The following PIK3C2G variants were observed in gnomAD, a reference collection of about 807,000 sequenced individuals.
PIK3C2G encodes the protein phosphatidylinositol-4-phosphate 3-kinase catalytic subunit type 2 gamma, also known as phosphatidylinositol 3-kinase C2 domain-containing subunit gamma.
Under a neutral mutation model 181.1 loss-of-function variants are expected in PIK3C2G, and 168 were observed. That is an observed-to-expected ratio of 0.93 (90% CI 0.82 to 1.05). The LOEUF (loss-of-function observed/expected upper bound fraction) is 1.05. PIK3C2G is among the 50% of genes least tolerant of loss of function. PIK3C2G has a pLI of 0.00. For missense variants in PIK3C2G, 1,869 were observed against 1,732.8 expected (o/e 1.08, Z -1.40); for synonymous variants, 573 against 592.2 (o/e 0.97, Z 0.47).
intron 15 of PIK3C2G, among the ~76,000 whole-genome samples, chr12:18,395,293 T>C (rs955294352): frequency 6.6e-6 from 1 of 150,476 alleles, no homozygotes; most frequent in African/African-American, 2.4e-5. Flanking sequence ...ATTATGATGT[T>C]CTATATAAAA....
At chr12:18,430,872 A>G (rs1441144220) in intron 18 of PIK3C2G, among the ~76,000 whole-genome samples, 1 of 152,196 alleles carries the variant, frequency 6.6e-6, no homozygotes, top group African/African-American at 2.4e-5. Flanking sequence ...TCTCTGGTAC[A>G]GGGTATTAAA....
intron 31 of PIK3C2G, among the ~76,000 whole-genome samples, chr12:18,626,931 G>A (rs1949126730): frequency 6.6e-6 from 1 of 151,776 alleles, no homozygotes. Context: ...GTCATATTAG[G>A]GAACTTATCA....
intron 30 of PIK3C2G, among the ~76,000 whole-genome samples, chr12:18,605,969 T>C (rs1038389415): frequency 1.3e-5 from 2 of 152,082 alleles, no homozygotes; most frequent in African/African-American, 4.8e-5. Context: ...ATTTCATAGA[T>C]TTGCTATGAT....
intron 11 of PIK3C2G, among the ~76,000 whole-genome samples, chr12:18,360,683 T>C (rs1388079534): frequency 6.6e-6 from 1 of 152,190 alleles, no homozygotes; most frequent in Non-Finnish European, 1.5e-5. Flanking sequence ...ATTGAATATA[T>C]TATTTCTCTC....
At chr12:18,717,004 G>A in the PIK3C2G span, among the ~76,000 whole-genome samples, 30 of 152,188 alleles carry the variant, frequency 2.0e-4, no homozygotes, top group Middle Eastern at 6.9e-3. Flanking sequence ...ATGAGCACTA[G>A]AAACTTAAAC....
chr12:18,519,358 C>T (rs1271739331), intron 24 of PIK3C2G, among the ~76,000 whole-genome samples: 1 of 152,188 alleles, frequency 6.6e-6, no homozygotes, highest in African/African-American at 2.4e-5. Flanking sequence ...GAGTCTCAGT[C>T]TCTTTGTTGG....
intron 31 of PIK3C2G, among the ~76,000 whole-genome samples, chr12:18,624,481 T>G (rs181538105): frequency 2.6e-4 from 39 of 151,824 alleles, no homozygotes; most frequent in Non-Finnish European, 3.0e-5. Context: ...TTGTGAAGAC[T>G]ATTGGCCTGT....
At chr12:18,398,206 C>T (rs770098996) in intron 15 of PIK3C2G, among the ~76,000 whole-genome samples, 20 of 151,798 alleles carry the variant, frequency 1.3e-4, no homozygotes, top group South Asian at 4.2e-4. Flanking sequence ...ACTGAAGCTG[C>T]GGAATGTCCT....
chr12:18,521,990 G>A (rs1209709819), intron 24 of PIK3C2G, among the ~76,000 whole-genome samples: 1 of 152,108 alleles, frequency 6.6e-6, no homozygotes, highest in Non-Finnish European at 1.5e-5. Flanking sequence ...CTGGGGGGTG[G>A]GGGCTGCCCT....
At chr12:18,678,775 G>A in the PIK3C2G span, among the ~76,000 whole-genome samples, 1 of 151,932 alleles carries the variant, frequency 6.6e-6, no homozygotes, top group Non-Finnish European at 1.5e-5. Flanking sequence ...TCCAGTTTGG[G>A]GTTATTATAA....
the PIK3C2G span, chr12:18,684,145 GAAGTGGCA>G: frequency 6.2e-7 from 1 of 1,611,724 alleles, no homozygotes. Context: ...TTCATGCATA[GAAGTGGCA>G]AAGTATATTG....
intron 5 of PIK3C2G, among the ~76,000 whole-genome samples, chr12:18,300,214 C>T (rs1350961493): frequency 1.3e-5 from 2 of 151,966 alleles, no homozygotes; most frequent in South Asian, 4.1e-4. Flanking sequence ...TTATTTATTA[C>T]TCATTATTGG....
rs117458754 is a variant in PIK3C2G at position 18,520,068 on chromosome 12, G to A, written c.3323+14607G>A. ...CCACCCCTCTCTTCTGTCTTGTAGG[G>A]TTTCTGCTGAGAGGCCTGCTGTTAG... On this transcript the variant is annotated intron_variant, in intron 24 of 32. Coordinates refer to ENST00000538779, the MANE Select transcript of PIK3C2G (RefSeq NM_001288772.2). Among the ~76,000 whole-genome samples the A allele has an allele frequency of 3.3e-4, 50 of 151,362 alleles. No individual in the cohort carries two copies. In the East Asian group the frequency reaches 9.1e-3, roughly 28 times the overall value.
intron 16 of PIK3C2G, among the ~76,000 whole-genome samples, chr12:18,417,598 A>C (rs1196195067): frequency 6.6e-6 from 1 of 152,206 alleles, no homozygotes; most frequent in Non-Finnish European, 1.5e-5. Flanking sequence ...CAAAAAGATT[A>C]GAACTTGCTG....
the PIK3C2G span, among the ~76,000 whole-genome samples, chr12:18,658,983 A>C: frequency 6.6e-6 from 1 of 152,170 alleles, no homozygotes; most frequent in Admixed American, 6.5e-5. Flanking sequence ...CATGCAAGGA[A>C]TAACTCATGC....
At chr12:18,697,501 T>C in the PIK3C2G span, among the ~76,000 whole-genome samples, 2 of 152,166 alleles carry the variant, frequency 1.3e-5, no homozygotes, top group African/African-American at 4.8e-5. Flanking sequence ...GACTAAGGTC[T>C]CATAACATAA....
chr12:18,390,682 C>T (rs1171740345), intron 14 of PIK3C2G, among the ~76,000 whole-genome samples: 1 of 151,894 alleles, frequency 6.6e-6, no homozygotes, highest in Non-Finnish European at 1.5e-5. Flanking sequence ...AACTAGAGAT[C>T]AATATAGATT....
intron 25 of PIK3C2G, among the ~76,000 whole-genome samples, chr12:18,540,915 C>T (rs1565489939): frequency 6.6e-6 from 1 of 151,906 alleles, no homozygotes; most frequent in Non-Finnish European, 1.5e-5. Flanking sequence ...TTCTTCTCAA[C>T]TGTGTTATCT....
chr12:18,710,236 G>A, the PIK3C2G span, among the ~76,000 whole-genome samples: 2 of 148,800 alleles, frequency 1.3e-5, no homozygotes, highest in Non-Finnish European at 1.5e-5. Flanking sequence ...TCCTTGCAAG[G>A]CCTTTGAATT....
Sources: gnomAD v4.1 joint callset for allele counts (sites outside exome capture counted in the v4.1 genomes callset) on GRCh38, gnomAD v4.1.1 for gene constraint, MANE v1.5 for transcripts, NCBI Gene and HGNC (gene_info 2026-07-23, HGNC 2026-07-21) for gene names.